Variants in ELP3 observed in about 807,000 individuals in gnomAD.
ELP3 encodes elongator complex protein 3.
ELP3 carries 56 observed loss-of-function variants against 74.9 expected under a neutral mutation model. The observed-to-expected ratio is 0.75, with a 90% CI of 0.60 to 0.93. ELP3 has a LOEUF of 0.93. Among genes scored for constraint, ELP3 ranks in the 40% least tolerant of loss-of-function variants. The pLI is 0.00. For synonymous variants in ELP3, 222 were observed against 239.8 expected (o/e 0.93, Z 0.68); for missense variants, 573 against 686.5 (o/e 0.83, Z 1.85).
intron 3 of ELP3, among the ~76,000 whole-genome samples, chr8:28,101,560 T>C (rs1018369138): frequency 6.6e-6 from 1 of 152,014 alleles, no homozygotes; most frequent in Non-Finnish European, 1.5e-5. Context: ...TAAAATAACA[T>C]TCTTTACATA....
chr8:28,185,423 C>G (rs1041239401), intron 14 of ELP3, among the ~76,000 whole-genome samples: 4 of 152,146 alleles, frequency 2.6e-5, no homozygotes, highest in Non-Finnish European at 4.4e-5. Context: ...TATGAGAGAT[C>G]TGCAAACATT....
intron 10 of ELP3, among the ~76,000 whole-genome samples, chr8:28,139,353 T>C (rs1006852737): frequency 6.6e-6 from 1 of 152,132 alleles, no homozygotes; most frequent in African/African-American, 2.4e-5. Flanking sequence ...AGAAAATTAG[T>C]GTGAGCACTG....
intron 7 of ELP3, chr8:28,129,269 G>T: frequency 2.1e-6 from 1 of 476,448 alleles, no homozygotes; most frequent in Non-Finnish European, 3.8e-6. Context: ...GGTGTAGATA[G>T]TGTATTATCC....
chr8:28,183,581 A>G (rs572702461), intron 14 of ELP3, among the ~76,000 whole-genome samples: 1 of 152,044 alleles, frequency 6.6e-6, no homozygotes, highest in East Asian at 1.9e-4. Context: ...TCACCACCAC[A>G]CCCAGCTAAC....
chr8:28,099,802 G>T, intron 2 of ELP3, 26 bp from the exon 3 acceptor site: 2 of 1,613,740 alleles, frequency 1.2e-6, no homozygotes, highest in African/African-American at 2.7e-5. Flanking sequence ...CCGTAATCTT[G>T]ATAATGTGAG....
intron 1 of ELP3, among the ~76,000 whole-genome samples, chr8:28,096,841 A>G (rs1585626568): frequency 1.3e-5 from 2 of 152,310 alleles, no homozygotes; most frequent in Middle Eastern, 3.4e-3. Flanking sequence ...ATGAACTCTA[A>G]AGTATTATGC....
chr8:28,095,299 T>C (rs1273757583), intron 1 of ELP3, among the ~76,000 whole-genome samples: 1 of 152,244 alleles, frequency 6.6e-6, no homozygotes, highest in Non-Finnish European at 1.5e-5. Context: ...CCAAATCTTA[T>C]CTGTTCTTAT....
chr8:28,092,195 G>A (rs28533132), upstream of ELP3, among the ~76,000 whole-genome samples: 3,844 of 152,066 alleles, frequency 0.025, 184 homozygotes, highest in African/African-American at 0.088. Context: ...AAGGAAGGCA[G>A]TTTTTGCGTG....
At chr8:28,174,137 CCCTTT>C (rs1456622828) in intron 14 of ELP3, among the ~76,000 whole-genome samples, 8 of 152,120 alleles carry the variant, frequency 5.3e-5, no homozygotes, top group African/African-American at 1.7e-4. Context: ...TTCTAGTTCT[CCCTTT>C]CCTTATTGAT....
intron 9 of ELP3, among the ~76,000 whole-genome samples, chr8:28,135,063 G>A (rs1157202042): frequency 6.6e-6 from 1 of 151,952 alleles, no homozygotes; most frequent in Non-Finnish European, 1.5e-5. Context: ...TGAGTAGCTG[G>A]GATTACAGGT....
At chr8:28,145,790 A>G (rs1372564434) in intron 10 of ELP3, among the ~76,000 whole-genome samples, 1 of 152,028 alleles carries the variant, frequency 6.6e-6, no homozygotes, top group African/African-American at 2.4e-5. Context: ...CGCCCAGCTA[A>G]TTTTTATACT....
At chr8:28,179,452 C>T (rs1466043817) in intron 14 of ELP3, among the ~76,000 whole-genome samples, 1 of 152,090 alleles carries the variant, frequency 6.6e-6, no homozygotes, top group Non-Finnish European at 1.5e-5. Flanking sequence ...AAGCAGTGGT[C>T]CCCAACCTTT....
intron 10 of ELP3, among the ~76,000 whole-genome samples, chr8:28,138,367 T>C (rs1171678357): frequency 6.6e-6 from 1 of 152,172 alleles, no homozygotes; most frequent in Non-Finnish European, 1.5e-5. Context: ...AACAAAATAA[T>C]CTGAACTGCT....
At chr8:28,146,101 CTATT>C (rs1309475895) in intron 10 of ELP3, among the ~76,000 whole-genome samples, 1 of 151,912 alleles carries the variant, frequency 6.6e-6, no homozygotes, top group African/African-American at 2.4e-5. Context: ...TTTAAAAAGA[CTATT>C]TATACTTTTT....
intron 10 of ELP3, among the ~76,000 whole-genome samples, chr8:28,146,094 A>T (rs1038917617): frequency 6.6e-5 from 10 of 151,832 alleles, no homozygotes; most frequent in Admixed American, 2.6e-4. Flanking sequence ...CCTTTTTTTT[A>T]AAAAGACTAT....
chr8:28,113,117 A>C lies in ELP3; in HGVS notation c.561A>C (p.Arg187=). ...LPEEYRDYFI[R]NLHDALSGHT... Reference sequence around the variant, plus strand: ...AAGAATACAGAGATTATTTTATTCGAAATTTACATGATGCCTTATCAGGAC... The same window carrying C: ...AAGAATACAGAGATTATTTTATTCGCAATTTACATGATGCCTTATCAGGAC... Residue 187 remains arginine (R), a synonymous_variant, in exon 7 of 15, where the codon CGA becomes CGC. Transcript: ENST00000256398. The C allele has an allele frequency of 6.2e-7, 1 of 1,614,022 alleles. No homozygotes were observed. The highest frequency in any genetic ancestry group is 8.5e-7 in the Non-Finnish European group (1 of 1,179,972).
chr8:28,139,140 C>T (rs1813117187), intron 10 of ELP3, among the ~76,000 whole-genome samples: 1 of 152,152 alleles, frequency 6.6e-6, no homozygotes, highest in African/African-American at 2.4e-5. Context: ...AAAGGGCATT[C>T]ATTCCCACCA....
intron 3 of ELP3, among the ~76,000 whole-genome samples, chr8:28,101,306 G>T (rs1406065980): frequency 2.6e-5 from 4 of 151,578 alleles, no homozygotes; most frequent in African/African-American, 9.7e-5. Context: ...TGTAGTCCCA[G>T]CTACTCCAGA....
intron 3 of ELP3, among the ~76,000 whole-genome samples, chr8:28,101,887 G>T (rs932868511): frequency 2.0e-5 from 3 of 152,178 alleles, no homozygotes; most frequent in African/African-American, 7.2e-5. Context: ...ACTGTGCCTG[G>T]CCGACTTTTT....
Sources: allele counts gnomAD v4.1 joint callset (sites outside exome capture counted in the v4.1 genomes callset), GRCh38; gene constraint gnomAD v4.1.1; transcripts MANE v1.5; gene names NCBI Gene and HGNC (gene_info 2026-07-23, HGNC 2026-07-21).